The following ALK variants were observed in gnomAD, a reference collection of about 807,000 sequenced individuals.
The protein encoded by ALK is ALK tyrosine kinase receptor.
In ALK, 74 loss-of-function variants were observed where a neutral mutation model predicts 163.1. The observed-to-expected ratio is 0.45, with a 90% confidence interval of 0.38 to 0.55. The LOEUF (loss-of-function observed/expected upper bound fraction) is 0.55, where lower values mean the gene tolerates loss of function less well. Among genes scored for constraint, ALK ranks in the 20% least tolerant of loss-of-function variants. The probability of loss-of-function intolerance (pLI) is 0.00; values close to 1 mark genes in which losing one functional copy is unlikely to be tolerated. For missense variants in ALK, 2,063 were observed against 2,105.3 expected, an observed-to-expected ratio of 0.98 and a Z score of 0.39; for synonymous variants, 960 against 843.2, an observed-to-expected ratio of 1.14 and a Z score of -2.40.
intron 1 of ALK, among the ~76,000 whole-genome samples, chr2:29,721,642 G>A (rs1573583150): frequency 6.6e-6 from 1 of 152,212 alleles, no homozygotes; most frequent in South Asian, 2.1e-4. Flanking sequence ...CTGTTGTAAA[G>A]GATAACAGTT....
At position 29,775,533 on chromosome 2, in the gene ALK, C is replaced by G. The variant is rs553800229; in HGVS notation, c.668-57836G>C. On this transcript the variant is annotated intron_variant, in intron 1 of 28. Coordinates refer to ENST00000389048, the MANE Select transcript of ALK (RefSeq NM_004304.5). ...GTAGGATCGGAGTGGACTCCCTCCC[C>G]CTACAAAAAAAAAAAAACAAAAACA... Among the ~76,000 whole-genome samples, 8 of 147,870 alleles carry G rather than the reference C, an allele frequency of 5.4e-5. No individual in the cohort carries two copies. In the East Asian group the frequency reaches 9.9e-4, roughly 18 times the overall value.
chr2:29,736,728 T>C (rs1479044794), intron 1 of ALK, among the ~76,000 whole-genome samples: 12 of 152,052 alleles, frequency 7.9e-5, no homozygotes, highest in African/African-American at 2.7e-4. Context: ...CTGAACACTT[T>C]TAAAAATCAA....
chr2:29,598,321 C>T (rs1200567188), intron 3 of ALK, among the ~76,000 whole-genome samples: 7 of 152,246 alleles, frequency 4.6e-5, no homozygotes, highest in South Asian at 2.1e-4. Flanking sequence ...CCACCATGCC[C>T]GGTACAGAGA....
At chr2:29,867,526 C>A (rs1666465819) in intron 1 of ALK, among the ~76,000 whole-genome samples, 2 of 152,112 alleles carry the variant, frequency 1.3e-5, no homozygotes, top group South Asian at 4.1e-4. Context: ...GCAACAAGAC[C>A]GTTTTGTCTC....
intron 4 of ALK, among the ~76,000 whole-genome samples, chr2:29,467,313 A>T (rs1343126869): frequency 6.6e-6 from 1 of 151,996 alleles, no homozygotes; most frequent in East Asian, 1.9e-4. Context: ...TTTATTGTTT[A>T]ATTAATTAAA....
intron 5 of ALK, among the ~76,000 whole-genome samples, chr2:29,380,995 G>T (rs1352759274): frequency 6.6e-6 from 1 of 152,202 alleles, no homozygotes; most frequent in Admixed American, 6.5e-5. Context: ...AGTGGTAAAA[G>T]GAACAGGAAG....
intron 21 of ALK, 43 bp downstream of exon 21, chr2:29,222,474 G>T: frequency 1.2e-6 from 2 of 1,613,248 alleles, no homozygotes; most frequent in Non-Finnish European, 1.7e-6. Flanking sequence ...AGCCTACAGA[G>T]TCCGCAAGCC....
chr2:29,792,965 T>G (rs1415188340), intron 1 of ALK, among the ~76,000 whole-genome samples: 2 of 152,182 alleles, frequency 1.3e-5, no homozygotes, highest in African/African-American at 4.8e-5. Flanking sequence ...TGAAGTTTGT[T>G]GCATCCATTG....
intron 1 of ALK, among the ~76,000 whole-genome samples, chr2:29,825,309 T>C (rs768861838): frequency 6.6e-6 from 1 of 152,232 alleles, no homozygotes; most frequent in East Asian, 1.9e-4. Flanking sequence ...TCATCATATA[T>C]GTATTAAGTG....
chr2:29,643,052 A>G (rs1441075693), intron 3 of ALK, among the ~76,000 whole-genome samples: 1 of 152,220 alleles, frequency 6.6e-6, no homozygotes, highest in Non-Finnish European at 1.5e-5. Flanking sequence ...TAAGAAGTGA[A>G]GATTTAAAAG....
At chr2:29,640,234 T>A (rs760623525) in intron 3 of ALK, among the ~76,000 whole-genome samples, 2 of 152,228 alleles carry the variant, frequency 1.3e-5, no homozygotes, top group Admixed American at 6.5e-5. Flanking sequence ...GTTTGTATAT[T>A]TGTCCCCAGT....
chr2:29,621,256 C>A (rs1355094214), intron 3 of ALK, among the ~76,000 whole-genome samples: 1 of 152,096 alleles, frequency 6.6e-6, no homozygotes, highest in Non-Finnish European at 1.5e-5. Context: ...AAAAACAACA[C>A]TGTCTTAGAT....
intron 3 of ALK, among the ~76,000 whole-genome samples, chr2:29,573,315 A>C (rs569486515): frequency 6.6e-6 from 1 of 152,206 alleles, no homozygotes; most frequent in Non-Finnish European, 1.5e-5. Context: ...TTTACTAGGC[A>C]CCTGCTCTGT....
chr2:29,226,958 C>G lies in ALK; in HGVS notation c.3031G>C (p.Gly1011Arg), dbSNP rs587778021. The G allele has an allele frequency of 6.2e-7, 1 of 1,614,214 alleles. No homozygotes were observed. Residue 1011 changes from glycine to arginine, a missense_variant, in exon 18 of 29, where the codon GGG (glycine) becomes CGG (arginine). Gly to Arg is a moderately radical substitution (Grantham distance 125). Around this residue, in one of 5 missense-constraint regions of ALK, gnomAD observed 575 missense variants for 626.6 expected, o/e 0.92. Transcript: ENST00000389048. Reference protein sequence around the residue: ...SHKVICFCDHGTVLAEDGVSC... With the variant: ...SHKVICFCDHRTVLAEDGVSC... ...ACGCCATCCTCAGCCAGCACCGTCC[C>G]GTGGTCACAGAAGCAGATGACCTTG... is the stretch of plus-strand genomic sequence containing the variant.
At chr2:29,657,654 G>A (rs1045029407) in intron 3 of ALK, among the ~76,000 whole-genome samples, 1 of 152,094 alleles carries the variant, frequency 6.6e-6, no homozygotes, top group African/African-American at 2.4e-5. Flanking sequence ...ACTTCTGAAA[G>A]AGACCTTGAA....
intron 1 of ALK, among the ~76,000 whole-genome samples, chr2:29,809,401 C>T (rs912879750): frequency 2.6e-5 from 4 of 152,138 alleles, no homozygotes; most frequent in African/African-American, 9.7e-5. Context: ...AGTAATAAGG[C>T]AGAAAGCCAT....
intron 1 of ALK, among the ~76,000 whole-genome samples, chr2:29,919,341 C>T (rs960308428): frequency 6.6e-6 from 1 of 151,982 alleles, no homozygotes; most frequent in Non-Finnish European, 1.5e-5. Context: ...TCCACACCTC[C>T]CTCCTGTCCT....
chr2:29,198,974 T>TA (rs1558607626), intron 26 of ALK, among the ~76,000 whole-genome samples: 3 of 151,816 alleles, frequency 2.0e-5, no homozygotes, highest in East Asian at 1.9e-4. Context: ...TTTTTTTTTT[T>TA]ATGTAGTCTC....
Position 29,516,354 on chromosome 2 carries a change from C to A in ALK, c.1154+15561G>T, listed in dbSNP as rs906442145. On this transcript the variant is annotated intron_variant, in intron 4 of 28. Coordinates refer to ENST00000389048, the MANE Select transcript of ALK (RefSeq NM_004304.5). ...TGCAATGGTTCTGCTCTCAGTTTTC[C>A]CATACAGATACCATATGTGGTGAGG... 4.6e-5 allele frequency among the ~76,000 whole-genome samples: 7 copies of A among 152,180 alleles called. No individual in the cohort carries two copies. The South Asian group carries it at 8.3e-4, about 18-fold the overall frequency.
Sources: gnomAD v4.1 joint callset for allele counts (sites outside exome capture counted in the v4.1 genomes callset) on GRCh38, gnomAD v4.1.1 for gene constraint, gnomAD v4.1.1 regional missense constraint, MANE v1.5 for transcripts, NCBI Gene and HGNC (gene_info 2026-07-23, HGNC 2026-07-21) for gene names.